Variants in ADGRA1 observed in about 807,000 individuals in gnomAD.
ADGRA1 encodes the protein G-protein coupled receptor 123.
ADGRA1 carries 12 observed loss-of-function variants against 21.3 expected under a neutral mutation model. The observed-to-expected ratio is 0.56, with a 90% CI of 0.36 to 0.91. The LOEUF (loss-of-function observed/expected upper bound fraction) is 0.91. Among genes scored for constraint, ADGRA1 ranks in the 40% least tolerant of loss-of-function variants. The pLI is 0.01. For synonymous variants in ADGRA1, 385 were observed against 368.8 expected, an observed-to-expected ratio of 1.04 and a Z score of -0.50; for missense variants, 790 against 805.6, an observed-to-expected ratio of 0.98 and a Z score of 0.23.
At chr10:133,126,024 T>C (rs1390185596) in intron 5 of ADGRA1, among the ~76,000 whole-genome samples, 1 of 152,190 alleles carries the variant, frequency 6.6e-6, no homozygotes, top group Admixed American at 6.5e-5. Flanking sequence ...GTTTCTGGTG[T>C]TTCTCCTTCC....
intron 3 of ADGRA1, 134 bp downstream of exon 3, chr10:133,097,235 C>A (rs1851704784): frequency 2.7e-6 from 3 of 1,094,668 alleles, no homozygotes; most frequent in Non-Finnish European, 2.7e-6. Context: ...CTCAGGTCAC[C>A]AGCTAGCTCA....
Position 133,102,380 on chromosome 10 carries a change from G to A in ADGRA1, c.256-317G>A, listed in dbSNP as rs114366729. 71 of 528,534 alleles carry A rather than the reference G, an allele frequency of 1.3e-4. 1 individual carries two copies. Among genetic ancestry groups the A allele is most frequent in the African/African-American group, 1.1e-3 (61 of 53,084 alleles). 32.7% of individuals were successfully genotyped at this position (528,534 alleles called of 1,614,324 possible). A position where few individuals can be genotyped will look rare whatever the true frequency, so the allele number is the denominator to read the frequency against. On this transcript the variant is annotated intron_variant, in intron 4 of 6. Transcript: ENST00000392607. ...CGTTGGTCTGCAGCTCACAGTGTCC[G>A]TGCCTGGGCCACAGGGACCACAGCG...
chr10:133,098,602 C>A lies in ADGRA1; in HGVS notation c.132-38C>A, dbSNP rs768780054. Reference sequence around the variant, plus strand: ...CCCTTCCACGCCTCCCCCTGCAGAGCCTCTGCTCATGTGAAACCCTCCTTT... The same window carrying A: ...CCCTTCCACGCCTCCCCCTGCAGAGACTCTGCTCATGTGAAACCCTCCTTT... On this transcript the variant is annotated intron_variant, in intron 3 of 6. Coordinates refer to ENST00000392607, the MANE Select transcript of ADGRA1 (RefSeq NM_001083909.3). 6.9e-6 allele frequency: 11 copies of A among 1,588,820 alleles called. No individual in the cohort carries two copies. In the African/African-American group the frequency reaches 1.3e-4, roughly 19 times the overall value.
intron 4 of ADGRA1, among the ~76,000 whole-genome samples, chr10:133,101,427 C>T (rs989874439): frequency 6.6e-6 from 1 of 152,220 alleles, no homozygotes; most frequent in African/African-American, 2.4e-5. Flanking sequence ...GGCAGCCGTG[C>T]AGCACCGTGG....
chr10:133,104,808 C>T (rs909219105), intron 5 of ADGRA1, among the ~76,000 whole-genome samples: 8 of 152,118 alleles, frequency 5.3e-5, no homozygotes, highest in African/African-American at 1.9e-4. Flanking sequence ...GAGTGGTGGG[C>T]GGTGTTAGCT....
chr10:133,127,320 G>A lies in ADGRA1; in HGVS notation c.489G>A (p.Glu163=), dbSNP rs372877805. The A allele has an allele frequency of 1.7e-5, 27 of 1,596,794 alleles. No homozygotes were observed. The highest frequency in any genetic ancestry group is 3.3e-4 in the Middle Eastern group (2 of 6,000). The stretch of plus-strand genomic sequence containing the variant: ...TCAGGAATTACGGGACAGAGGACGA[G>A]GACACGGCGTAGTGAGTACCGGGCA... ...TNIRNYGTED[E]DTAYCWMAWE... The change falls in exon 6 of 7, where the codon GAG becomes GAA. Residue 163 remains glutamate, a synonymous_variant. Transcript: ENST00000392607.
At chr10:133,112,416 T>G (rs1852056561) in intron 5 of ADGRA1, among the ~76,000 whole-genome samples, 1 of 145,742 alleles carries the variant, frequency 6.9e-6, no homozygotes, top group Admixed American at 6.9e-5. Context: ...TTATTTGGGG[T>G]CTGCGGGCCA....
intron 2 of ADGRA1, 82 bp from the exon 3 acceptor site, chr10:133,096,891 GC>G: frequency 1.3e-6 from 2 of 1,507,054 alleles, no homozygotes; most frequent in Non-Finnish European, 9.0e-7. Flanking sequence ...GGGAAGCCGA[GC>G]CCCAAGGGTA....
At chr10:133,091,282 T>A (rs1564842030) in intron 2 of ADGRA1, among the ~76,000 whole-genome samples, 1 of 150,978 alleles carries the variant, frequency 6.6e-6, no homozygotes, top group African/African-American at 2.5e-5. Flanking sequence ...CAGGGTTGGA[T>A]GGTGTGGCTG....
intron 5 of ADGRA1, among the ~76,000 whole-genome samples, chr10:133,104,505 C>T (rs1851858237): frequency 6.6e-6 from 1 of 152,138 alleles, no homozygotes; most frequent in African/African-American, 2.4e-5. Flanking sequence ...GCCCGGGGCT[C>T]GGCACTGACC....
intron 4 of ADGRA1, among the ~76,000 whole-genome samples, chr10:133,099,046 C>T (rs891903041): frequency 6.6e-6 from 1 of 151,918 alleles, no homozygotes; most frequent in African/African-American, 2.4e-5. Context: ...CTGCCCCTCC[C>T]GGAGAAAGTG....
chr10:133,129,322 G>A lies in ADGRA1; in HGVS notation c.1494G>A (p.Thr498=). The stretch of plus-strand genomic sequence containing the variant: ...GCCCTGCCCTCTACAGCTGCCCCAC[G>A]CAGCCGGGCAGGGAGGCAGCGCTCG... ...DGSPALYSCP[T]QPGREAALGP... Residue 498 remains threonine, a synonymous_variant, in exon 7 of 7, where the codon ACG becomes ACA. Transcript: ENST00000392607. 2.6e-6 allele frequency: 4 copies of A among 1,562,296 alleles called. No individual in the cohort carries two copies. Among genetic ancestry groups the A allele is most frequent in the East Asian group, 2.4e-5 (1 of 41,598 alleles).
In ADGRA1 at chr10:133,100,906, G is replaced by A. The variant is rs1001471221; in HGVS notation, c.256-1791G>A. Reference sequence around the variant, plus strand: ...CTGCCGGACGCGTGACGCCAGGCTCGGGAAGCGGAGGCAGGGGCCGCAGTG... The same window carrying A: ...CTGCCGGACGCGTGACGCCAGGCTCAGGAAGCGGAGGCAGGGGCCGCAGTG... On this transcript the variant is annotated intron_variant, in intron 4 of 6. Coordinates refer to ENST00000392607, the MANE Select transcript of ADGRA1 (RefSeq NM_001083909.3). Among the ~76,000 whole-genome samples the A allele has an allele frequency of 2.6e-5, 4 of 152,218 alleles. No individual in the cohort carries two copies. In the South Asian group the frequency reaches 6.2e-4, roughly 24 times the overall value.
intron 3 of ADGRA1, among the ~76,000 whole-genome samples, chr10:133,098,089 C>T (rs1197854346): frequency 6.6e-6 from 1 of 152,214 alleles, no homozygotes; most frequent in Admixed American, 6.5e-5. Context: ...GTCACAGTGG[C>T]CACCATGCAG....
intron 4 of ADGRA1, chr10:133,102,466 C>T (rs566747244): frequency 2.6e-5 from 17 of 654,328 alleles, no homozygotes; most frequent in African/African-American, 1.2e-4. Context: ...ACTCCCTGCT[C>T]CCGTCTCTGT....
chr10:133,094,348 C>G (rs189042018), intron 2 of ADGRA1, among the ~76,000 whole-genome samples: 157 of 152,346 alleles, frequency 1.0e-3, no homozygotes, highest in African/African-American at 2.8e-3. Flanking sequence ...CCTTCTGGCC[C>G]TGAGGATGGA....
At chr10:133,111,270 C>T (rs1591178853) in intron 5 of ADGRA1, among the ~76,000 whole-genome samples, 2 of 83,686 alleles carry the variant, frequency 2.4e-5, no homozygotes, top group African/African-American at 1.6e-4. Flanking sequence ...CAGGCACCTC[C>T]CTCCTAATCC....
intron 5 of ADGRA1, among the ~76,000 whole-genome samples, chr10:133,104,026 G>A (rs776855012): frequency 8.5e-5 from 13 of 152,222 alleles, no homozygotes; most frequent in Admixed American, 3.3e-4. Flanking sequence ...CATGGGAGAC[G>A]TGACCCGGTG....
chr10:133,113,294 G>T (rs768363727), intron 5 of ADGRA1, among the ~76,000 whole-genome samples: 2 of 151,358 alleles, frequency 1.3e-5, no homozygotes, highest in Non-Finnish European at 2.9e-5. Context: ...CGGTTTGGAA[G>T]TCCAATGGCA....
Sources: allele counts gnomAD v4.1 joint callset (sites outside exome capture counted in the v4.1 genomes callset), GRCh38; gene constraint gnomAD v4.1.1; transcripts MANE v1.5; gene names NCBI Gene and HGNC (gene_info 2026-07-23, HGNC 2026-07-21).